Variants in MAP2K6 observed in about 807,000 individuals in gnomAD.
MAP2K6 encodes mitogen-activated protein kinase kinase 6.
MAP2K6 carries 16 observed loss-of-function variants against 53.7 expected under a neutral mutation model. The ratio of observed to expected loss-of-function variants is 0.30; its 90% confidence interval spans 0.20 to 0.45. The LOEUF is 0.45. MAP2K6 is among the 20% of genes least tolerant of loss of function. The probability of loss-of-function intolerance (pLI) is 1.00; values close to 1 mark genes in which losing one functional copy is unlikely to be tolerated. For synonymous variants in MAP2K6, 132 were observed against 143.1 expected, an observed-to-expected ratio of 0.92 and a Z score of 0.55; for missense variants, 204 against 411.9, an observed-to-expected ratio of 0.50 and a Z score of 4.37.
intron 3 of MAP2K6, among the ~76,000 whole-genome samples, 185 bp from the exon 4 acceptor site, chr17:69,517,315 C>T (rs1910200775): frequency 6.6e-6 from 1 of 152,078 alleles, no homozygotes; most frequent in South Asian, 2.1e-4. Flanking sequence ...ACCGTGGGAG[C>T]TCCTAGACAT....
chr17:69,440,493 G>A lies in MAP2K6; in HGVS notation c.16+25493G>A, dbSNP rs543516316. Among the ~76,000 whole-genome samples the A allele has an allele frequency of 3.9e-5, 6 of 152,126 alleles. No individual in the cohort carries two copies. The South Asian group carries it at 6.2e-4, about 16-fold the overall frequency. ...TTTTCAATACCACCCATTCTGTTCT[G>A]CATCTCATAGTGTGATACTTACTTT... On this transcript the variant is annotated intron_variant, in intron 1 of 11. Coordinates refer to ENST00000590474, the MANE Select transcript of MAP2K6 (RefSeq NM_002758.4).
chr17:69,491,730 G>GTTATTATTATTATTATTATTA lies in MAP2K6; in HGVS notation c.17-14044_17-14024dup, dbSNP rs55714549. ...TTTCTCTGCAACCTCGCTGGCATCT[G>GTTATTATTATTATTATTATTA]TTATTATTATTATTATTATTATTAT... is the stretch of plus-strand genomic sequence containing the variant. On this transcript the variant is annotated intron_variant, in intron 1 of 11. Transcript: ENST00000590474. Among the ~76,000 whole-genome samples, 387 of 140,588 alleles carry GTTATTATTATTATTATTATTA rather than the reference G, an allele frequency of 2.8e-3. 3 individuals carry two copies. Among genetic ancestry groups the GTTATTATTATTATTATTATTA allele is most frequent in the East Asian group, 0.013 (55 of 4,106 alleles). The allele number at this position is 140,588 out of a possible 152,430, so 92.2% of individuals were successfully genotyped here.
At position 69,521,360 on chromosome 17, in the gene MAP2K6, A is replaced by T. The variant is rs1910457540; in HGVS notation, c.535+260A>T. The T allele has an allele frequency of 1.1e-5, 4 of 372,008 alleles. No homozygotes were observed. The Admixed American group carries it at 1.4e-4, about 13-fold the overall frequency. The allele number at this position is 372,008 out of a possible 1,614,324, so 23.0% of individuals were successfully genotyped here. On this transcript the variant is annotated intron_variant, in intron 7 of 11. Coordinates refer to ENST00000590474, the MANE Select transcript of MAP2K6 (RefSeq NM_002758.4). ...ACTTGTTAGCAAGCAGAGCTATGAG[A>T]TCATATCATTGAGAATTTTAGAGAA...
At chr17:69,531,515 C>T (rs1444742949) in intron 10 of MAP2K6, among the ~76,000 whole-genome samples, 2 of 152,144 alleles carry the variant, frequency 1.3e-5, no homozygotes, top group African/African-American at 4.8e-5. Flanking sequence ...GACAGTAAAT[C>T]ACTTAGTTTG....
rs965658977 is a variant in MAP2K6 at position 69,536,294 on chromosome 17, T to G, written c.927+134T>G. ...GATACATCAGTGACAGGAATTGAAC[T>G]CCAGGAAAGAGAGTTAAAGAGTTCA... On this transcript the variant is annotated intron_variant, in intron 11 of 11. Transcript: ENST00000590474. 3 of 697,298 alleles carry G rather than the reference T, an allele frequency of 4.3e-6. No homozygotes were observed. The African/African-American group carries it at 5.4e-5, about 12-fold the overall frequency. 43.2% of individuals were successfully genotyped at this position (697,298 alleles called of 1,614,324 possible).
intron 1 of MAP2K6, among the ~76,000 whole-genome samples, chr17:69,453,652 A>G: frequency 6.6e-6 from 1 of 152,036 alleles, no homozygotes; most frequent in East Asian, 1.9e-4. Flanking sequence ...TCTTTTTTGG[A>G]AGTCTTGAAT....
chr17:69,523,713 A>G (rs1445038729), intron 8 of MAP2K6, 72 bp downstream of exon 8: 1 of 1,577,858 alleles, frequency 6.3e-7, no homozygotes, highest in Admixed American at 1.7e-5. Context: ...CAAGAAATGG[A>G]TGGCCACAGA....
chr17:69,471,382 G>A (rs1249345433), intron 1 of MAP2K6, among the ~76,000 whole-genome samples: 6 of 152,208 alleles, frequency 3.9e-5, no homozygotes, highest in African/African-American at 1.4e-4. Context: ...CAACATGGAT[G>A]GAGCTGGAGG....
At position 69,549,196 on chromosome 17, in the gene MAP2K6, A is replaced by C. The variant is rs764449139; in HGVS notation, c.*7443A>C. 1.2e-4 allele frequency: 18 copies of C among 152,178 alleles called. No individual in the cohort carries two copies. The highest frequency in any genetic ancestry group is 2.6e-4 in the Non-Finnish European group (18 of 68,008). The allele number at this position is 152,178 out of a possible 1,614,324, so 9.4% of individuals were successfully genotyped here. A position where few individuals can be genotyped will look rare whatever the true frequency, so the allele number is the denominator to read the frequency against. ...TTCTTTCTTAGATGTTGTCAGTATG[A>C]ACAGAATTTTTTTGTGAACAGTTAA... On this transcript the variant is annotated 3_prime_UTR_variant, in exon 12 of 12. Coordinates refer to ENST00000590474, the MANE Select transcript of MAP2K6 (RefSeq NM_002758.4).
intron 2 of MAP2K6, among the ~76,000 whole-genome samples, chr17:69,512,793 A>G (rs1322009212): frequency 6.6e-6 from 1 of 152,206 alleles, no homozygotes; most frequent in East Asian, 1.9e-4. Context: ...TATTTTATGT[A>G]AATGGTCTCA....
intron 11 of MAP2K6, among the ~76,000 whole-genome samples, chr17:69,540,656 G>T (rs1163349075): frequency 6.6e-6 from 1 of 152,198 alleles, no homozygotes; most frequent in Non-Finnish European, 1.5e-5. Flanking sequence ...CAAAGCATAA[G>T]ACTTGTTATG....
At chr17:69,521,563 G>A (rs956975202) in intron 7 of MAP2K6, 1 of 153,376 alleles carries the variant, frequency 6.5e-6, no homozygotes, top group Non-Finnish European at 1.4e-5. Context: ...ACAACAGGAG[G>A]CAGGATATAA....
chr17:69,538,174 G>A (rs558006901), intron 11 of MAP2K6, among the ~76,000 whole-genome samples: 3 of 152,240 alleles, frequency 2.0e-5, no homozygotes, highest in Non-Finnish European at 4.4e-5. Context: ...CTATTCTAAA[G>A]TTGCCATGTT....
At chr17:69,495,767 C>G (rs1331520657) in intron 1 of MAP2K6, among the ~76,000 whole-genome samples, 3 of 151,976 alleles carry the variant, frequency 2.0e-5, no homozygotes, top group Admixed American at 6.5e-5. Context: ...CTAACCAAAA[C>G]CCAGTGTGTA....
rs113695007 is a variant in MAP2K6, at chr17:69,496,080, A to ATTT, written c.17-9700_17-9699insTTT. Among the ~76,000 whole-genome samples, 1,332 of 150,054 alleles carry ATTT rather than the reference A, an allele frequency of 8.9e-3. 19 individuals are homozygous for ATTT. The highest frequency in any genetic ancestry group is 0.031 in the African/African-American group (1,261 of 40,940). On this transcript the variant is annotated intron_variant, in intron 1 of 11. Coordinates refer to ENST00000590474, the MANE Select transcript of MAP2K6 (RefSeq NM_002758.4). ...AACATGACATAAAAGGTCTACTAGG[A>ATTT]CTTTTTTTTTTTTAGCTTTAATCAC...
At chr17:69,415,640 C>T (rs527628598) in intron 1 of MAP2K6, among the ~76,000 whole-genome samples, 3 of 152,266 alleles carry the variant, frequency 2.0e-5, no homozygotes, top group Non-Finnish European at 4.4e-5. Context: ...CTTATTGGCT[C>T]GCAAAATTTA....
intron 8 of MAP2K6, 82 bp from the exon 9 acceptor site, chr17:69,524,819 A>G (rs1267329558): frequency 9.8e-7 from 1 of 1,024,676 alleles, no homozygotes; most frequent in East Asian, 2.4e-5. Flanking sequence ...AGCTGGTGCT[A>G]CCCCCATCCC....
rs202101413 is a variant in MAP2K6 at position 69,541,725 on chromosome 17, C to T, written c.977C>T (p.Ser326Phe). The T allele has an allele frequency of 1.3e-4, 207 of 1,612,764 alleles. No individual in the cohort carries two copies. Among genetic ancestry groups the T allele is most frequent in the Non-Finnish European group, 1.7e-4 (198 of 1,179,082 alleles). Residue 326 changes from serine (S) to phenylalanine (F), a missense_variant, in exon 12 of 12, where the codon TCT becomes TTT. Ser to Phe is a radical substitution (Grantham distance 155). Around this residue, in one of 3 missense-constraint regions of MAP2K6, gnomAD observed 47 missense variants for 62.3 expected, o/e 0.75. Coordinates refer to ENST00000590474, the MANE Select transcript of MAP2K6 (RefSeq NM_002758.4). ...LHESKGTDVA[S>F]FVKLILGD ...GAATCCAAAGGAACAGATGTGGCAT[C>T]TTTTGTAAAACTGATTCTTGGAGAC...
chr17:69,481,019 G>A (rs578032787), intron 1 of MAP2K6, among the ~76,000 whole-genome samples: 30 of 152,196 alleles, frequency 2.0e-4, no homozygotes, highest in Non-Finnish European at 2.9e-4. Flanking sequence ...TAGAATTATC[G>A]TCTTAATCAT....
Sources: allele counts gnomAD v4.1 joint callset (sites outside exome capture counted in the v4.1 genomes callset), GRCh38; gene constraint gnomAD v4.1.1; regional missense constraint gnomAD v4.1.1; transcripts MANE v1.5; gene names NCBI Gene and HGNC (gene_info 2026-07-23, HGNC 2026-07-21).